SHB: variants seen among roughly 807,000 people sequenced by gnomAD.
SHB encodes the protein SH2 domain-containing adapter protein B.
SHB carries 20 observed loss-of-function variants against 52.3 expected under a neutral mutation model. The observed-to-expected ratio is 0.38, with a 90% CI of 0.27 to 0.56. The LOEUF (loss-of-function observed/expected upper bound fraction) is 0.56, where lower values mean the gene tolerates loss of function less well. Among genes scored for constraint, SHB ranks in the 20% least tolerant of loss-of-function variants. The pLI is 0.71. For missense variants in SHB, 825 were observed against 723.3 expected (o/e 1.14, Z -1.61); for synonymous variants, 397 against 316.5 (o/e 1.25, Z -2.70).
At chr9:37,937,574 T>C (rs1314602233) in intron 5 of SHB, among the ~76,000 whole-genome samples, 14 of 151,888 alleles carry the variant, frequency 9.2e-5, no homozygotes, top group African/African-American at 7.3e-5. Context: ...GTGAAAGACA[T>C]AGACCCGCGG....
At chr9:38,031,425 GGTGA>G (rs900186855) in intron 1 of SHB, among the ~76,000 whole-genome samples, 6 of 152,192 alleles carry the variant, frequency 3.9e-5, no homozygotes, top group African/African-American at 1.4e-4. Flanking sequence ...AGTCCTTTAA[GGTGA>G]GTAAGTTTAG....
intron 1 of SHB, among the ~76,000 whole-genome samples, chr9:38,021,776 G>A (rs1021927974): frequency 2.0e-5 from 3 of 152,166 alleles, no homozygotes; most frequent in Non-Finnish European, 4.4e-5. Context: ...CATGTGCCCT[G>A]CTGTCTGTGG....
intron 4 of SHB, among the ~76,000 whole-genome samples, chr9:37,955,159 G>T (rs1011151362): frequency 6.6e-6 from 1 of 152,200 alleles, no homozygotes; most frequent in Non-Finnish European, 1.5e-5. Context: ...TTAGGGGAAA[G>T]GATTTAGTTT....
At chr9:37,954,913 C>G (rs997065838) in intron 4 of SHB, among the ~76,000 whole-genome samples, 3 of 151,982 alleles carry the variant, frequency 2.0e-5, no homozygotes, top group Non-Finnish European at 4.4e-5. Context: ...CAATAAAGGG[C>G]CCGGCCCTGC....
chr9:37,920,150 G>T, intron 5 of SHB, 146 bp from the exon 6 acceptor site: 1 of 649,566 alleles, frequency 1.5e-6, no homozygotes, highest in Non-Finnish European at 2.7e-6. Flanking sequence ...CGAGGCCCAG[G>T]ACCAGATGAA....
chr9:38,042,571 C>A (rs910891998), intron 1 of SHB, among the ~76,000 whole-genome samples: 6 of 152,214 alleles, frequency 3.9e-5, no homozygotes, highest in African/African-American at 1.4e-4. Flanking sequence ...CACTCTCTTG[C>A]CTCCACCTTC....
intron 2 of SHB, among the ~76,000 whole-genome samples, chr9:37,998,490 T>A (rs1820976347): frequency 6.6e-6 from 1 of 152,240 alleles, no homozygotes; most frequent in African/African-American, 2.4e-5. Context: ...TCTGGCTCTG[T>A]CACCTAGGCT....
Position 37,977,624 on chromosome 9 carries a change from G to T in SHB, c.839-2787C>A, listed in dbSNP as rs1820671300. On this transcript the variant is annotated intron_variant, in intron 2 of 5. Transcript: ENST00000377707. ...TAGGACTTTGTCACTTTACGGTGAA[G>T]ACCAACTGTTAAGTACGGTGGACAA... Among the ~76,000 whole-genome samples the T allele has an allele frequency of 2.0e-5, 3 of 152,180 alleles. No individual in the cohort carries two copies. The South Asian group carries it at 6.2e-4, about 32-fold the overall frequency.
In SHB at chr9:37,978,554, A is replaced by G. The variant is rs574337859; in HGVS notation, c.839-3717T>C. Among the ~76,000 whole-genome samples, 44 of 152,364 alleles carry G rather than the reference A, an allele frequency of 2.9e-4. No individual in the cohort carries two copies. The South Asian group carries it at 8.9e-3, about 31-fold the overall frequency. On this transcript the variant is annotated intron_variant, in intron 2 of 5. Coordinates refer to ENST00000377707, the MANE Select transcript of SHB (RefSeq NM_003028.3). Reference sequence around the variant, plus strand: ...TATGCTAAGCTAAAAAGTAAAATGCAAGATTGTTTATGTGTGGGGGGCAAA... The same window carrying G: ...TATGCTAAGCTAAAAAGTAAAATGCGAGATTGTTTATGTGTGGGGGGCAAA...
At chr9:38,045,060 C>T (rs184281421) in intron 1 of SHB, among the ~76,000 whole-genome samples, 8 of 152,310 alleles carry the variant, frequency 5.3e-5, no homozygotes, top group African/African-American at 1.4e-4. Context: ...CATCCTGGCA[C>T]AAGGTCAGAG....
chr9:37,928,761 C>T (rs1445050458), intron 5 of SHB, among the ~76,000 whole-genome samples: 1 of 152,234 alleles, frequency 6.6e-6, no homozygotes, highest in East Asian at 1.9e-4. Context: ...CGCCTGGCCC[C>T]TTATGTAAAG....
chr9:37,969,294 C>T (rs1820566338), intron 3 of SHB, among the ~76,000 whole-genome samples: 1 of 152,182 alleles, frequency 6.6e-6, no homozygotes, highest in Admixed American at 6.5e-5. Context: ...GGCTCTGCTG[C>T]TGACCAGCCA....
chr9:38,034,639 T>C lies in SHB; in HGVS notation c.718-18508A>G, dbSNP rs576875671. On this transcript the variant is annotated intron_variant, in intron 1 of 5. Transcript: ENST00000377707. ...CTGTGCCAGGGGTTGACCACTGTCT[T>C]GCATGCCCCCAACAGATACCCCTGA... Among the ~76,000 whole-genome samples, 5 of 152,364 alleles carry C rather than the reference T, an allele frequency of 3.3e-5. No individual in the cohort carries two copies. In the East Asian group the frequency reaches 5.8e-4, roughly 18 times the overall value.
intron 2 of SHB, among the ~76,000 whole-genome samples, chr9:38,014,833 G>A (rs1039954212): frequency 6.6e-6 from 1 of 152,188 alleles, no homozygotes; most frequent in African/African-American, 2.4e-5. Flanking sequence ...CAACCTGCAC[G>A]GCTACACAGC....
intron 2 of SHB, among the ~76,000 whole-genome samples, chr9:38,005,998 T>G (rs572076230): frequency 2.8e-4 from 42 of 152,282 alleles, no homozygotes; most frequent in African/African-American, 9.9e-4. Context: ...CCTAGCTGGC[T>G]GCTCCCACCT....
At chr9:37,958,416 T>C (rs1242836862) in intron 3 of SHB, among the ~76,000 whole-genome samples, 1 of 152,136 alleles carries the variant, frequency 6.6e-6, no homozygotes, top group Non-Finnish European at 1.5e-5. Flanking sequence ...GCCTTACCTA[T>C]GAGAGGAAGA....
chr9:37,948,589 G>A (rs201705468), intron 5 of SHB, 46 bp downstream of exon 5: 121 of 1,602,634 alleles, frequency 7.6e-5, no homozygotes, highest in African/African-American at 6.5e-4. Context: ...GGCTGCGCTC[G>A]CAGAGGCTGC....
In SHB at chr9:37,937,282, C is replaced by T. The variant is rs751449; in HGVS notation, c.1346+11353G>A. ...CCGCCCTGAAAGCCTGTGCTTAAAA[C>T]GTGGCAGGGTGATCTCCAAGCTGCC... On this transcript the variant is annotated intron_variant, in intron 5 of 5. Coordinates refer to ENST00000377707, the MANE Select transcript of SHB (RefSeq NM_003028.3). 7.2e-3 allele frequency among the ~76,000 whole-genome samples: 1,101 copies of T among 152,254 alleles called. 13 individuals carry two copies. Among genetic ancestry groups the T allele is most frequent in the African/African-American group, 0.025 (1,027 of 41,528 alleles).
chr9:37,944,431 G>T (rs952358831), intron 5 of SHB, among the ~76,000 whole-genome samples: 1 of 152,166 alleles, frequency 6.6e-6, no homozygotes, highest in Admixed American at 6.5e-5. Flanking sequence ...CCCCCATGAG[G>T]CAAAGGGACT....
Sources: allele counts gnomAD v4.1 joint callset (sites outside exome capture counted in the v4.1 genomes callset), GRCh38; gene constraint gnomAD v4.1.1; transcripts MANE v1.5; gene names NCBI Gene and HGNC (gene_info 2026-07-23, HGNC 2026-07-21).